Variants in AKT3 observed in about 807,000 individuals in gnomAD.
The protein encoded by AKT3 is RAC-gamma serine/threonine-protein kinase.
Under a neutral mutation model 65.3 loss-of-function variants are expected in AKT3, and 15 were observed. The ratio of observed to expected loss-of-function variants is 0.23; its 90% CI spans 0.15 to 0.35. The LOEUF is 0.35. Among genes scored for constraint, AKT3 ranks in the 10% least tolerant of loss-of-function variants. The probability of loss-of-function intolerance (pLI) is 1.00; values close to 1 mark genes in which losing one functional copy is unlikely to be tolerated. For missense variants in AKT3, 243 were observed against 576.5 expected, an observed-to-expected ratio of 0.42 and a Z score of 5.92; for synonymous variants, 206 against 183.8, an observed-to-expected ratio of 1.12 and a Z score of -0.98.
chr1:243,623,447 T>A (rs902840633), intron 6 of AKT3, among the ~76,000 whole-genome samples: 1 of 152,270 alleles, frequency 6.6e-6, no homozygotes. Flanking sequence ...GAGACTGGAA[T>A]GTGAATTGAT....
rs533247926 is a variant in AKT3, at chr1:243,658,250, T to C, written c.284+6522A>G. On this transcript the variant is annotated intron_variant, in intron 4 of 13. Coordinates refer to ENST00000673466, the MANE Select transcript of AKT3 (RefSeq NM_005465.7). ...TGTATAGGGAACTCCTATAACTCAG[T>C]AGCGAAAACAAAAAACAGAAACACA... 3.3e-5 allele frequency among the ~76,000 whole-genome samples: 5 copies of C among 152,246 alleles called. No individual in the cohort carries two copies. The East Asian group carries it at 9.6e-4, about 29-fold the overall frequency.
chr1:243,653,431 G>C (rs886218031), intron 4 of AKT3, among the ~76,000 whole-genome samples: 7 of 152,138 alleles, frequency 4.6e-5, no homozygotes, highest in African/African-American at 1.7e-4. Flanking sequence ...AGAGGAGCTG[G>C]TCCCATTCCT....
chr1:243,820,426 C>A (rs1308395940), intron 2 of AKT3, among the ~76,000 whole-genome samples: 1 of 152,166 alleles, frequency 6.6e-6, no homozygotes, highest in African/African-American at 2.4e-5. Context: ...ATCTCTCCAG[C>A]AAGGGCACTC....
chr1:243,726,795 GA>G (rs149609018), intron 2 of AKT3, among the ~76,000 whole-genome samples: 7,085 of 152,166 alleles, frequency 0.047, 558 homozygotes, highest in African/African-American at 0.16. Context: ...GCATCCTCAT[GA>G]AAAAACAGGT....
chr1:243,586,207 T>G (rs1252498563), intron 8 of AKT3, among the ~76,000 whole-genome samples: 1 of 152,154 alleles, frequency 6.6e-6, no homozygotes, highest in African/African-American at 2.4e-5. Flanking sequence ...ATGGCTGCCA[T>G]TAAAATGTCA....
In AKT3 at chr1:243,500,244, A is replaced by G. The variant is rs1022381331; in HGVS notation, c.*5005T>C. The stretch of plus-strand genomic sequence containing the variant: ...ATGATCTATATATCAATCATCCTTC[A>G]CCTTTAATCAATGTCCCATCAGACT... On this transcript the variant is annotated 3_prime_UTR_variant, in exon 14 of 14. Coordinates refer to ENST00000673466, the MANE Select transcript of AKT3 (RefSeq NM_005465.7). The G allele has an allele frequency of 7.2e-5, 17 of 237,630 alleles. No homozygotes were observed. In the East Asian group the frequency reaches 1.0e-3, roughly 14 times the overall value. 14.7% of individuals were successfully genotyped at this position (237,630 alleles called of 1,614,324 possible). A position where few individuals can be genotyped will look rare whatever the true frequency, so the allele number is the denominator to read the frequency against.
intron 6 of AKT3, among the ~76,000 whole-genome samples, chr1:243,628,556 T>C (rs1339757778): frequency 6.6e-6 from 1 of 152,202 alleles, no homozygotes; most frequent in African/African-American, 2.4e-5. Flanking sequence ...TCTCCTGCCT[T>C]GGCCTCCCAA....
chr1:243,770,394 T>C (rs1389457108), intron 2 of AKT3, among the ~76,000 whole-genome samples: 19 of 152,132 alleles, frequency 1.2e-4, no homozygotes, highest in Non-Finnish European at 1.9e-4. Context: ...AAATTAATCA[T>C]AGGTCAAGGT....
intron 2 of AKT3, among the ~76,000 whole-genome samples, chr1:243,737,630 G>A (rs998200641): frequency 1.3e-4 from 20 of 152,132 alleles, no homozygotes; most frequent in Non-Finnish European, 1.8e-4. Context: ...ACTTCCTTAA[G>A]ATATTAGTAA....
chr1:243,618,970 C>A (rs1214950705), intron 6 of AKT3, among the ~76,000 whole-genome samples: 1 of 152,142 alleles, frequency 6.6e-6, no homozygotes, highest in African/African-American at 2.4e-5. Flanking sequence ...ACTGATCCCA[C>A]ATCTAAGTTC....
chr1:243,730,077 A>T (rs545992250), intron 2 of AKT3, among the ~76,000 whole-genome samples: 14 of 152,334 alleles, frequency 9.2e-5, no homozygotes, highest in Non-Finnish European at 1.6e-4. Flanking sequence ...TGCTCCTTCT[A>T]GCTGGAATCC....
At chr1:243,496,523 G>C (rs529529026), downstream of AKT3, among the ~76,000 whole-genome samples, 2 of 152,212 alleles carry the variant, frequency 1.3e-5, no homozygotes, top group African/African-American at 2.4e-5. Context: ...CAGAGACAGC[G>C]TGCCAGTGAG....
At chr1:243,513,925 C>T (rs1382455171) in intron 12 of AKT3, among the ~76,000 whole-genome samples, 1 of 152,226 alleles carries the variant, frequency 6.6e-6, no homozygotes, top group Non-Finnish European at 1.5e-5. Flanking sequence ...CCCTCTGACT[C>T]TCAGGCTAAA....
intron 2 of AKT3, among the ~76,000 whole-genome samples, chr1:243,802,404 G>A: frequency 6.6e-6 from 1 of 152,222 alleles, no homozygotes; most frequent in East Asian, 1.9e-4. Flanking sequence ...TTATTGGAAA[G>A]GAAATATCAA....
chr1:243,581,821 G>A (rs1440997442), intron 8 of AKT3, among the ~76,000 whole-genome samples: 3 of 151,318 alleles, frequency 2.0e-5, no homozygotes, highest in Non-Finnish European at 4.4e-5. Context: ...CCAAGACAAA[G>A]TTGAAAATCA....
chr1:243,584,229 C>G (rs1451017695), intron 8 of AKT3, among the ~76,000 whole-genome samples: 1 of 152,062 alleles, frequency 6.6e-6, no homozygotes, highest in African/African-American at 2.4e-5. Context: ...TGGATAAATT[C>G]CTGGAAACAC....
At chr1:243,625,749 T>C (rs550660988) in intron 6 of AKT3, among the ~76,000 whole-genome samples, 6 of 152,038 alleles carry the variant, frequency 3.9e-5, no homozygotes, top group Non-Finnish European at 5.9e-5. Flanking sequence ...ATTGTGAGAG[T>C]GACTAACTTG....
chr1:243,604,083 C>T (rs752521013), intron 8 of AKT3, among the ~76,000 whole-genome samples: 21 of 151,918 alleles, frequency 1.4e-4, no homozygotes, highest in Non-Finnish European at 2.5e-4. Flanking sequence ...TTAGTACAGA[C>T]GGGGTTTCTC....
At chr1:243,813,259 T>A (rs1008649176) in intron 2 of AKT3, among the ~76,000 whole-genome samples, 1 of 152,136 alleles carries the variant, frequency 6.6e-6, no homozygotes, top group Non-Finnish European at 1.5e-5. Flanking sequence ...TATGCAGTAT[T>A]CTCACCAAAA....
Sources: allele counts gnomAD v4.1 joint callset (sites outside exome capture counted in the v4.1 genomes callset), GRCh38; gene constraint gnomAD v4.1.1; transcripts MANE v1.5; gene names NCBI Gene and HGNC (gene_info 2026-07-23, HGNC 2026-07-21).